Variants in CDON observed in about 807,000 individuals in gnomAD.
The protein encoded by CDON is cell adhesion associated, oncogene regulated.
CDON carries 73 observed loss-of-function variants against 120.9 expected under a neutral mutation model. The observed-to-expected ratio is 0.60, with a 90% CI of 0.50 to 0.73. The LOEUF (loss-of-function observed/expected upper bound fraction) is 0.73. Ranked by LOEUF, CDON falls within the 30% of genes least tolerant of loss-of-function variation. The pLI is 0.00. For synonymous variants in CDON, 566 were observed against 573.5 expected (o/e 0.99, Z 0.19); for missense variants, 1,470 against 1,587.3 (o/e 0.93, Z 1.26).
Position 125,956,950 on chromosome 11 carries a change from C to T in CDON, c.*3992G>A, listed in dbSNP as rs979328649. The T allele has an allele frequency of 6.5e-6, 5 of 765,478 alleles. No individual in the cohort carries two copies. Among genetic ancestry groups the T allele is most frequent in the Admixed American group, 6.2e-5 (1 of 16,034 alleles). 47.4% of individuals were successfully genotyped at this position (765,478 alleles called of 1,614,324 possible). ...AAATAAAATACAAAAGGGCCACACC[C>T]GATGCAAAAGACTTTGCTGGCTTTC... On this transcript the variant is annotated 3_prime_UTR_variant, in exon 20 of 20. Transcript: ENST00000531738.
At chr11:126,043,632 C>G (rs904431531) in intron 1 of CDON, among the ~76,000 whole-genome samples, 2 of 152,106 alleles carry the variant, frequency 1.3e-5, no homozygotes, top group Admixed American at 6.5e-5. Context: ...CCCAAGGGAC[C>G]ACAGCAAATA....
At chr11:126,038,928 C>T (rs755377112) in intron 1 of CDON, among the ~76,000 whole-genome samples, 1 of 152,130 alleles carries the variant, frequency 6.6e-6, no homozygotes, top group Non-Finnish European at 1.5e-5. Context: ...GCAAATAAAA[C>T]ATATTACTAA....
chr11:125,986,903 G>A (rs1946483669), intron 15 of CDON, among the ~76,000 whole-genome samples: 1 of 150,978 alleles, frequency 6.6e-6, no homozygotes, highest in Admixed American at 6.6e-5. Flanking sequence ...AAGAGAAGGT[G>A]TTTTCTCTTA....
intron 1 of CDON, among the ~76,000 whole-genome samples, chr11:126,060,361 T>C (rs1295704437): frequency 6.6e-6 from 1 of 152,218 alleles, no homozygotes; most frequent in African/African-American, 2.4e-5. Flanking sequence ...GTCTTACCCA[T>C]ACTTCTACAT....
rs387906995 is a variant in CDON at position 126,001,812 on chromosome 11, G to C, written c.2065C>G (p.Pro689Ala). ...GGATACTTAGGGATGCCCACGGGTG[G>C]AGAGGATGCCTGGGTGTTTTTTGAT... is the stretch of plus-strand genomic sequence containing the variant. Reference protein sequence around the residue: ...ASSKNTQASSPPVGIPKYPVV... With the variant: ...ASSKNTQASSAPVGIPKYPVV... Residue 689 changes from proline (P) to alanine (A), a missense_variant, in exon 11 of 20, where the codon CCA becomes GCA. Coordinates refer to ENST00000531738, the MANE Select transcript of CDON (RefSeq NM_001378964.1). The C allele has an allele frequency of 3.1e-6, 5 of 1,610,706 alleles. No individual in the cohort carries two copies. Among genetic ancestry groups the C allele is most frequent in the Admixed American group, 3.3e-5 (2 of 59,994 alleles).
At chr11:126,040,747 G>A (rs1315313047) in intron 1 of CDON, among the ~76,000 whole-genome samples, 5 of 145,366 alleles carry the variant, frequency 3.4e-5, no homozygotes, top group African/African-American at 7.7e-5. Context: ...CCCGGGAGGC[G>A]GAGCTGGCAG....
At chr11:126,048,975 TTACAGGCGTGAGCC>T (rs1450987007) in intron 1 of CDON, among the ~76,000 whole-genome samples, 2 of 151,710 alleles carry the variant, frequency 1.3e-5, no homozygotes, top group Admixed American at 1.3e-4. Context: ...AATGCTGGGA[TTACAGGCGTGAGCC>T]AACAGGCGTG....
At chr11:126,040,617 C>A (rs1307519631) in intron 1 of CDON, among the ~76,000 whole-genome samples, 1 of 150,642 alleles carries the variant, frequency 6.6e-6, no homozygotes, top group Non-Finnish European at 1.5e-5. Flanking sequence ...AGATCGAGAC[C>A]ATCCTGGCTA....
intron 18 of CDON, among the ~76,000 whole-genome samples, chr11:125,977,094 C>T (rs920682942): frequency 6.6e-5 from 10 of 152,308 alleles, no homozygotes; most frequent in African/African-American, 2.2e-4. Flanking sequence ...GTCTTTAGCA[C>T]GTTGCCTAAC....
chr11:126,025,401 G>T (rs890435403), intron 1 of CDON, among the ~76,000 whole-genome samples: 1 of 152,110 alleles, frequency 6.6e-6, no homozygotes, highest in African/African-American at 2.4e-5. Flanking sequence ...GTTCAGGGTA[G>T]AATGGGAAGA....
At chr11:125,988,216 A>G (rs183710024) in intron 15 of CDON, among the ~76,000 whole-genome samples, 4 of 152,092 alleles carry the variant, frequency 2.6e-5, no homozygotes, top group Admixed American at 2.6e-4. Flanking sequence ...GATCTAGTAG[A>G]GGACGTTGGG....
chr11:126,004,195 A>G, intron 9 of CDON, 119 bp from the exon 10 acceptor site: 1 of 973,032 alleles, frequency 1.0e-6, no homozygotes, highest in Admixed American at 2.0e-5. Flanking sequence ...AAGAAGTAAT[A>G]CAGCATGGTA....
chr11:125,995,991 A>G (rs568190400), intron 12 of CDON, among the ~76,000 whole-genome samples: 7 of 152,262 alleles, frequency 4.6e-5, no homozygotes, highest in African/African-American at 1.2e-4. Flanking sequence ...TCTTGTGGGG[A>G]GGGGAGGGTT....
chr11:126,055,923 T>TC (rs1591439348), intron 1 of CDON, among the ~76,000 whole-genome samples: 1 of 152,316 alleles, frequency 6.6e-6, no homozygotes, highest in East Asian at 1.9e-4. Context: ...CGAGGCAATC[T>TC]CCAACTTTAA....
chr11:126,015,765 C>T (rs957422678), intron 6 of CDON, among the ~76,000 whole-genome samples: 2 of 152,172 alleles, frequency 1.3e-5, no homozygotes, highest in African/African-American at 2.4e-5. Flanking sequence ...CCACAACATA[C>T]GCGAATACAC....
chr11:126,044,245 T>C (rs773374009), intron 1 of CDON, among the ~76,000 whole-genome samples: 38 of 152,234 alleles, frequency 2.5e-4, no homozygotes, highest in Non-Finnish European at 4.0e-4. Context: ...AAAGTTTTCA[T>C]TGAATGGGTT....
At position 126,015,227 on chromosome 11, in the gene CDON, A is replaced by G. The variant is rs777248487; in HGVS notation, c.1198+14T>C. 9 of 1,613,396 alleles carry G rather than the reference A, an allele frequency of 5.6e-6. No individual in the cohort carries two copies. The highest frequency in any genetic ancestry group is 7.6e-6 in the Non-Finnish European group (9 of 1,179,328). ...AATAAAAGTTCTTATGACTGGCACG[A>G]CCTAAAAGCCTACCATTTTCAATTT... is the stretch of plus-strand genomic sequence containing the variant. On this transcript the variant is annotated intron_variant, in intron 7 of 19. Transcript: ENST00000531738.
intron 14 of CDON, 144 bp from the exon 15 acceptor site, chr11:125,989,903 G>A (rs2134494544): frequency 1.4e-6 from 1 of 700,304 alleles, no homozygotes; most frequent in Non-Finnish European, 2.5e-6. Flanking sequence ...TTAATAGTAA[G>A]TATTTGACTA....
At position 125,958,953 on chromosome 11, in the gene CDON, C is replaced by G. The variant is rs1242847073; in HGVS notation, c.*1989G>C. 4 of 152,168 alleles carry G rather than the reference C, an allele frequency of 2.6e-5. No homozygotes were observed. The highest frequency in any genetic ancestry group is 5.9e-5 in the Non-Finnish European group (4 of 68,040). The allele number at this position is 152,168 out of a possible 1,614,324, so 9.4% of individuals were successfully genotyped here. On this transcript the variant is annotated 3_prime_UTR_variant, in exon 20 of 20. Transcript: ENST00000531738. ...ATATTCTGTGCGCTGGGACTTTGTC[C>G]TTTGCTAGTCACAGAAGTAAGGGAT...
Sources: gnomAD v4.1 joint callset for allele counts (sites outside exome capture counted in the v4.1 genomes callset) on GRCh38, gnomAD v4.1.1 for gene constraint, MANE v1.5 for transcripts, NCBI Gene and HGNC (gene_info 2026-07-23, HGNC 2026-07-21) for gene names.